Variants in SMYD1 observed in about 807,000 individuals in gnomAD.
The protein encoded by SMYD1 is SET and MYND domain containing 1, also known as histone-lysine N-methyltransferase SMYD1.
SMYD1 carries 49 observed loss-of-function variants against 54.0 expected under a neutral mutation model. That is an observed-to-expected ratio of 0.91 (90% CI 0.72 to 1.15). SMYD1 has a LOEUF of 1.15. SMYD1 is among the 50% of genes most tolerant of loss of function. SMYD1 has a pLI of 0.00. For missense variants in SMYD1, 653 were observed against 639.6 expected (o/e 1.02, Z -0.23); for synonymous variants, 269 against 234.2 (o/e 1.15, Z -1.36).
At chr2:88,081,064 A>C (rs1345430438) in intron 1 of SMYD1, among the ~76,000 whole-genome samples, 1 of 151,996 alleles carries the variant, frequency 6.6e-6, no homozygotes, top group Admixed American at 6.6e-5. Context: ...CACCACGCCC[A>C]ACTAATTTTT....
chr2:88,080,041 G>A (rs1674154198), intron 1 of SMYD1, among the ~76,000 whole-genome samples: 1 of 152,158 alleles, frequency 6.6e-6, no homozygotes, highest in African/African-American at 2.4e-5. Context: ...TAATTCTGAG[G>A]ACCTTTGGTT....
intron 1 of SMYD1, among the ~76,000 whole-genome samples, chr2:88,076,482 C>A (rs1322387374): frequency 6.6e-6 from 1 of 152,180 alleles, no homozygotes; most frequent in Non-Finnish European, 1.5e-5. Flanking sequence ...CTCGGCCTCC[C>A]AAAGTGCTGG....
At chr2:88,089,075 T>C (rs1674405147) in intron 3 of SMYD1, among the ~76,000 whole-genome samples, 1 of 152,176 alleles carries the variant, frequency 6.6e-6, no homozygotes, top group South Asian at 2.1e-4. Context: ...GCTCACGCAA[T>C]GGTGGAGGCT....
rs1290973312 is a variant in SMYD1, at chr2:88,100,066, T to C, written c.889-2992T>C. On this transcript the variant is annotated intron_variant, in intron 6 of 9. Transcript: ENST00000419482. ...CCTATGCCTCTGGCTCCTCCCCCCC[T>C]CTTCCTCCTTGTTTTCTGTAGAATT... Among the ~76,000 whole-genome samples the C allele has an allele frequency of 6.9e-5, 9 of 131,136 alleles. No individual in the cohort carries two copies. In the Admixed American group the frequency reaches 7.6e-4, roughly 11 times the overall value. The allele number at this position is 131,136 out of a possible 152,430, so 86.0% of individuals were successfully genotyped here.
intron 6 of SMYD1, among the ~76,000 whole-genome samples, chr2:88,099,279 T>C (rs935928217): frequency 3.4e-5 from 5 of 146,910 alleles, no homozygotes; most frequent in Admixed American, 6.8e-5. Context: ...AGAGACGGGG[T>C]TTCACCATGT....
At chr2:88,110,302 G>C in intron 9 of SMYD1, 52 bp from the exon 10 acceptor site, 3 of 1,543,740 alleles carry the variant, frequency 1.9e-6, no homozygotes, top group Non-Finnish European at 2.6e-6. Flanking sequence ...TCAGAGACCA[G>C]CATGTCCTAG....
intron 1 of SMYD1, among the ~76,000 whole-genome samples, chr2:88,081,650 G>A (rs1674198452): frequency 6.6e-6 from 1 of 151,876 alleles, no homozygotes; most frequent in South Asian, 2.1e-4. Flanking sequence ...TGGCCAGGCT[G>A]TTCTCAAACT....
rs2970912 is a variant in SMYD1 at position 88,096,604 on chromosome 2, C to G, written c.708C>G (p.Leu236=). 0.34 allele frequency: 550,531 copies of G among 1,598,802 alleles called. 97,726 individuals are homozygous for G. The highest frequency in any genetic ancestry group is 0.42 in the African/African-American group (31,011 of 74,520). ...SMFHTQMRIE[L]RALGKISEGE... is the part of the protein sequence containing the mutation. The stretch of plus-strand genomic sequence containing the variant: ...TTTCACCCTGCTTCAGAATTGAGCT[C>G]CGGGCCCTAGGCAAGATCTCAGAAG... Residue 236 remains leucine (L), a synonymous_variant, in exon 6 of 10, where the codon CTC becomes CTG. Transcript: ENST00000419482.
At chr2:88,079,791 A>T (rs1409993648) in intron 1 of SMYD1, among the ~76,000 whole-genome samples, 7 of 152,224 alleles carry the variant, frequency 4.6e-5, no homozygotes, top group African/African-American at 1.7e-4. Flanking sequence ...ATTGCACTCC[A>T]GCCTGGGCTA....
In SMYD1 at chr2:88,110,350, A is replaced by C; in HGVS notation, c.1315-4A>C. ...ACTGTTTACGGTGTATCTGTGTCCC[A>C]CAGGCCATGCGGGTGCAGACGGAGA... is the stretch of plus-strand genomic sequence containing the variant. On this transcript the variant is annotated splice_polypyrimidine_tract_variant and splice_region_variant and intron_variant, in intron 9 of 9. Coordinates refer to ENST00000419482, the MANE Select transcript of SMYD1 (RefSeq NM_198274.4). 6.2e-7 allele frequency: 1 copy of C among 1,610,062 alleles called. No homozygotes were observed. Among genetic ancestry groups the C allele is most frequent in the Admixed American group, 1.7e-5 (1 of 59,736 alleles).
chr2:88,106,757 C>T (rs1038944716), intron 8 of SMYD1, among the ~76,000 whole-genome samples: 1 of 152,234 alleles, frequency 6.6e-6, no homozygotes, highest in African/African-American at 2.4e-5. Context: ...GTGGCATCTT[C>T]TGCTTTTGAC....
intron 7 of SMYD1, among the ~76,000 whole-genome samples, chr2:88,104,125 C>T (rs1473473691): frequency 1.3e-5 from 2 of 152,082 alleles, no homozygotes; most frequent in African/African-American, 4.8e-5. Flanking sequence ...CGCCACCACG[C>T]CTGGCTAATT....
At chr2:88,079,354 T>C (rs1395088080) in intron 1 of SMYD1, among the ~76,000 whole-genome samples, 1 of 152,154 alleles carries the variant, frequency 6.6e-6, no homozygotes, top group Non-Finnish European at 1.5e-5. Context: ...TCAGGCCCTA[T>C]TAGAAGTGTA....
intron 1 of SMYD1, among the ~76,000 whole-genome samples, chr2:88,076,926 C>A (rs1397357912): frequency 6.6e-6 from 1 of 151,356 alleles, no homozygotes; most frequent in Admixed American, 6.6e-5. Context: ...GTGGGAGGGT[C>A]GCTTAGGCCC....
chr2:88,110,471 A>C lies in SMYD1; in HGVS notation c.1432A>C (p.Ser478Arg). ...NQPMQVMAEP[S>R]NEPSPALFHK... The stretch of plus-strand genomic sequence containing the variant: ...GCCCATGCAGGTCATGGCCGAGCCC[A>C]GCAATGAGCCATCCCCAGCTCTGTT... Residue 478 changes from serine to arginine, a missense_variant, in exon 10 of 10, where the codon AGC becomes CGC. Ser to Arg is a moderately radical substitution (Grantham distance 110). Transcript: ENST00000419482. 6.2e-7 allele frequency: 1 copy of C among 1,600,142 alleles called. No homozygotes were observed. The highest frequency in any genetic ancestry group is 8.5e-7 in the Non-Finnish European group (1 of 1,172,992).
intron 1 of SMYD1, among the ~76,000 whole-genome samples, chr2:88,069,062 G>A (rs758482785): frequency 1.2e-4 from 18 of 152,070 alleles, no homozygotes; most frequent in Non-Finnish European, 2.1e-4. Context: ...GCTTCCTCAC[G>A]ACCTTGGCCA....
In SMYD1 at chr2:88,108,535, T is replaced by C. The variant is rs765874389; in HGVS notation, c.1310T>C (p.Leu437Ser). ...CCCTCCCACCCCATCACTAAGGACT[T>C]AGAGGCAAGTAGCGTCTTGAGGCTG... ...HGPSHPITKDLEAMRVQTEME... is the reference protein window; with the variant it reads ...HGPSHPITKDSEAMRVQTEME... The change falls in exon 9 of 10, where the codon TTA becomes TCA. Residue 437 changes from leucine to serine, a missense_variant. Coordinates refer to ENST00000419482, the MANE Select transcript of SMYD1 (RefSeq NM_198274.4). The C allele has an allele frequency of 7.6e-6, 12 of 1,579,820 alleles. No homozygotes were observed. The highest frequency in any genetic ancestry group is 7.0e-5 in the East Asian group (3 of 43,016).
chr2:88,095,481 G>A (rs1335683349), intron 5 of SMYD1, among the ~76,000 whole-genome samples: 11 of 152,240 alleles, frequency 7.2e-5, no homozygotes, highest in Admixed American at 7.2e-4. Flanking sequence ...CCACAGGGAA[G>A]GGGCTGCCTT....
At chr2:88,091,702 A>G (rs1235011400) in intron 4 of SMYD1, among the ~76,000 whole-genome samples, 1 of 152,096 alleles carries the variant, frequency 6.6e-6, no homozygotes, top group Non-Finnish European at 1.5e-5. Flanking sequence ...AAATAAATAC[A>G]TAAATAAATA....
Sources: allele counts gnomAD v4.1 joint callset (sites outside exome capture counted in the v4.1 genomes callset), GRCh38; gene constraint gnomAD v4.1.1; transcripts MANE v1.5; gene names NCBI Gene and HGNC (gene_info 2026-07-23, HGNC 2026-07-21).